The following ELMO1 variants were observed in gnomAD, a reference collection of about 807,000 sequenced individuals.
ELMO1 encodes the protein engulfment and cell motility 1, also known as engulfment and cell motility protein 1.
A neutral mutation model predicts 98.9 loss-of-function variants in ELMO1; 26 were observed. The ratio of observed to expected loss-of-function variants is 0.26; its 90% confidence interval spans 0.19 to 0.36. The LOEUF (loss-of-function observed/expected upper bound fraction) is 0.36, where lower values mean the gene tolerates loss of function less well. Among genes scored for constraint, ELMO1 ranks in the 10% least tolerant of loss-of-function variants. The pLI, the probability that ELMO1 is intolerant of heterozygous loss-of-function variation, is 1.00. For missense variants in ELMO1, 627 were observed against 935.2 expected, an observed-to-expected ratio of 0.67 and a Z score of 4.30; for synonymous variants, 346 against 346.0, an observed-to-expected ratio of 1.00 and a Z score of 0.00.
Position 37,119,968 on chromosome 7 carries a change from A to G in ELMO1, c.1191+13162T>C, listed in dbSNP as rs546878231. ...TATGTGATTTTTTGGGTAAGCAATTATATCTCGATAAAACTAGAAAACAAA... is the reference window on the plus strand; with the variant it reads ...TATGTGATTTTTTGGGTAAGCAATTGTATCTCGATAAAACTAGAAAACAAA... On this transcript the variant is annotated intron_variant, in intron 14 of 21. Coordinates refer to ENST00000310758, the MANE Select transcript of ELMO1 (RefSeq NM_014800.11). 1.1e-4 allele frequency among the ~76,000 whole-genome samples: 17 copies of G among 152,350 alleles called. No individual in the cohort carries two copies. The East Asian group carries it at 3.3e-3, about 29-fold the overall frequency.
chr7:37,442,416 A>C (rs1274504101), intron 1 of ELMO1, among the ~76,000 whole-genome samples: 1 of 152,212 alleles, frequency 6.6e-6, no homozygotes, highest in East Asian at 1.9e-4. Flanking sequence ...GCTGGAAAAC[A>C]CTGTCAAGTA....
At chr7:37,416,329 A>G (rs1804211725) in intron 1 of ELMO1, among the ~76,000 whole-genome samples, 1 of 152,240 alleles carries the variant, frequency 6.6e-6, no homozygotes, top group East Asian at 1.9e-4. Flanking sequence ...AAAATTTTAT[A>G]TACACATATA....
At chr7:37,135,952 G>A (rs1273287619) in intron 13 of ELMO1, among the ~76,000 whole-genome samples, 10 of 152,034 alleles carry the variant, frequency 6.6e-5, no homozygotes, top group Non-Finnish European at 4.4e-5. Flanking sequence ...AGAAAGTTGA[G>A]GTCCAATTTA....
chr7:37,354,539 GCT>G (rs1801415156), intron 1 of ELMO1, among the ~76,000 whole-genome samples: 1 of 152,190 alleles, frequency 6.6e-6, no homozygotes, highest in African/African-American at 2.4e-5. Context: ...TTCACTCCAA[GCT>G]CTCTTGCGCT....
At chr7:37,103,975 C>T (rs1384256154) in intron 14 of ELMO1, among the ~76,000 whole-genome samples, 1 of 128,172 alleles carries the variant, frequency 7.8e-6, no homozygotes, top group Non-Finnish European at 1.6e-5. Context: ...TGCGCCACTG[C>T]ACTCCAGCCT....
At chr7:37,015,838 C>T (rs891037740) in intron 15 of ELMO1, among the ~76,000 whole-genome samples, 4 of 152,212 alleles carry the variant, frequency 2.6e-5, no homozygotes, top group African/African-American at 9.6e-5. Flanking sequence ...AGCCTGTTCA[C>T]ATTTCAACAG....
chr7:37,357,007 A>T (rs1267294138), intron 1 of ELMO1, among the ~76,000 whole-genome samples: 1 of 152,166 alleles, frequency 6.6e-6, no homozygotes, highest in Non-Finnish European at 1.5e-5. Context: ...CAGGAGGAAG[A>T]CATGCTACAC....
At chr7:36,925,445 T>C (rs1785492756) in intron 16 of ELMO1, among the ~76,000 whole-genome samples, 1 of 152,208 alleles carries the variant, frequency 6.6e-6, no homozygotes, top group South Asian at 2.1e-4. Context: ...GATAAGACCT[T>C]AATTTATGAA....
intron 13 of ELMO1, among the ~76,000 whole-genome samples, chr7:37,187,519 GATTA>G (rs1159350219): frequency 9.2e-5 from 14 of 152,248 alleles, no homozygotes; most frequent in African/African-American, 2.9e-4. Context: ...TTGTAAAAGT[GATTA>G]AATAAAACTT....
chr7:37,348,056 C>T (rs1180144208), intron 1 of ELMO1, among the ~76,000 whole-genome samples: 1 of 152,206 alleles, frequency 6.6e-6, no homozygotes, highest in Admixed American at 6.5e-5. Flanking sequence ...AGGTCCACAT[C>T]GCATTCACAG....
intron 1 of ELMO1, among the ~76,000 whole-genome samples, chr7:37,396,136 G>T (rs1803290829): frequency 6.6e-6 from 1 of 152,030 alleles, no homozygotes; most frequent in Non-Finnish European, 1.5e-5. Flanking sequence ...TCTCTTGGTG[G>T]TTCTAAATTA....
At chr7:36,884,314 CA>C (rs59762953) in intron 18 of ELMO1, among the ~76,000 whole-genome samples, 6,111 of 127,606 alleles carry the variant, frequency 0.048, 158 homozygotes, top group Non-Finnish European at 0.054. Context: ...GAGACTGTCT[CA>C]AAAAAAAAAA....
intron 15 of ELMO1, among the ~76,000 whole-genome samples, chr7:37,072,107 T>C (rs934210427): frequency 6.6e-6 from 1 of 152,142 alleles, no homozygotes; most frequent in African/African-American, 2.4e-5. Context: ...AACTACTCTA[T>C]AGGCTTTCGG....
intron 1 of ELMO1, among the ~76,000 whole-genome samples, chr7:37,448,297 T>C (rs1344597321): frequency 4.6e-5 from 2 of 43,210 alleles, no homozygotes; most frequent in African/African-American, 8.5e-5. Context: ...GTCGCAACCC[T>C]CCCGCGCCCC....
At chr7:36,899,122 A>G (rs1371475143) in intron 16 of ELMO1, among the ~76,000 whole-genome samples, 1 of 152,162 alleles carries the variant, frequency 6.6e-6, no homozygotes, top group African/African-American at 2.4e-5. Flanking sequence ...GGTCTTGTTT[A>G]GTTGGAGAAA....
At chr7:36,971,557 C>T (rs1192220907) in intron 16 of ELMO1, among the ~76,000 whole-genome samples, 1 of 152,178 alleles carries the variant, frequency 6.6e-6, no homozygotes, top group African/African-American at 2.4e-5. Context: ...CCATCTCTCC[C>T]TGGGAAGGAA....
At chr7:37,240,770 C>G (rs1307211845) in intron 7 of ELMO1, among the ~76,000 whole-genome samples, 1 of 152,128 alleles carries the variant, frequency 6.6e-6, no homozygotes, top group Non-Finnish European at 1.5e-5. Flanking sequence ...TTCCAAACAT[C>G]CGAGGCTATT....
At chr7:37,247,811 A>C (rs1795091570) in intron 6 of ELMO1, among the ~76,000 whole-genome samples, 1 of 152,188 alleles carries the variant, frequency 6.6e-6, no homozygotes, top group African/African-American at 2.4e-5. Context: ...GGTGAAACTT[A>C]AATGGGGTCT....
chr7:37,401,749 C>A (rs973145312), intron 1 of ELMO1, among the ~76,000 whole-genome samples: 3 of 151,990 alleles, frequency 2.0e-5, no homozygotes, highest in Non-Finnish European at 4.4e-5. Context: ...CAATTACCTC[C>A]TAGTAGGTCC....
Sources: allele counts gnomAD v4.1 joint callset (sites outside exome capture counted in the v4.1 genomes callset), GRCh38; gene constraint gnomAD v4.1.1; transcripts MANE v1.5; gene names NCBI Gene and HGNC (gene_info 2026-07-23, HGNC 2026-07-21).